The following PHF20 variants were observed in gnomAD, a reference collection of about 807,000 sequenced individuals.
The protein encoded by PHF20 is glioma-expressed antigen 2.
In PHF20, 23 loss-of-function variants were observed where a neutral mutation model predicts 113.5. The ratio of observed to expected loss-of-function variants is 0.20; its 90% CI spans 0.15 to 0.29. PHF20 has a LOEUF of 0.29. Ranked by LOEUF, PHF20 falls within the 10% of genes least tolerant of loss-of-function variation. The pLI is 1.00. For missense variants in PHF20, 943 were observed against 1,219.6 expected, an observed-to-expected ratio of 0.77 and a Z score of 3.38; for synonymous variants, 434 against 457.3, an observed-to-expected ratio of 0.95 and a Z score of 0.65.
rs147076340 is a variant in PHF20, at chr20:35,847,000, A to G, written c.256-350A>G. On this transcript the variant is annotated intron_variant, in intron 3 of 17. Transcript: ENST00000374012. The stretch of plus-strand genomic sequence containing the variant: ...ACAGAAGGAGACTTGCTTTGTAACA[A>G]CTTGCTTTCTTGGGAATGAATCCAT... 3.9e-5 allele frequency among the ~76,000 whole-genome samples: 6 copies of G among 152,236 alleles called. No homozygotes were observed. The East Asian group carries it at 7.7e-4, about 20-fold the overall frequency.
chr20:35,779,282 G>T (rs1223575636), intron 1 of PHF20, among the ~76,000 whole-genome samples: 2 of 151,892 alleles, frequency 1.3e-5, no homozygotes, highest in African/African-American at 4.8e-5. Flanking sequence ...TGATCCGCCT[G>T]CCAGGGCCTC....
intron 1 of PHF20, among the ~76,000 whole-genome samples, chr20:35,780,134 T>C (rs1305171787): frequency 1.3e-5 from 2 of 152,042 alleles, no homozygotes; most frequent in Non-Finnish European, 2.9e-5. Flanking sequence ...CCCCTAGAAA[T>C]TTGAGTAAGT....
intron 1 of PHF20, among the ~76,000 whole-genome samples, chr20:35,784,966 G>T (rs561068201): frequency 6.6e-6 from 1 of 151,962 alleles, no homozygotes; most frequent in African/African-American, 2.4e-5. Flanking sequence ...GGGGAGGATG[G>T]TTTGAGCCTG....
At chr20:35,900,979 TG>T (rs1428212311) in intron 10 of PHF20, among the ~76,000 whole-genome samples, 1 of 152,190 alleles carries the variant, frequency 6.6e-6, no homozygotes, top group Non-Finnish European at 1.5e-5. Flanking sequence ...TGGGTAGGAC[TG>T]GAAACTGGGC....
At chr20:35,869,168 T>C (rs1449847650) in intron 6 of PHF20, among the ~76,000 whole-genome samples, 1 of 152,202 alleles carries the variant, frequency 6.6e-6, no homozygotes, top group Non-Finnish European at 1.5e-5. Flanking sequence ...AGATAATTAA[T>C]GTAGCAAGTA....
intron 9 of PHF20, chr20:35,878,849 C>T (rs2054576861): frequency 2.1e-6 from 1 of 474,108 alleles, no homozygotes; most frequent in Non-Finnish European, 3.8e-6. Context: ...TAGATGGTAA[C>T]ACGGCATTTT....
intron 2 of PHF20, among the ~76,000 whole-genome samples, chr20:35,820,408 G>A (rs2042147348): frequency 6.7e-6 from 1 of 149,936 alleles, no homozygotes; most frequent in African/African-American, 2.5e-5. Flanking sequence ...TATAGATAAT[G>A]TTAGGTGGTG....
At chr20:35,802,543 C>G (rs898787858) in intron 2 of PHF20, among the ~76,000 whole-genome samples, 13 of 151,962 alleles carry the variant, frequency 8.6e-5, no homozygotes, top group African/African-American at 2.9e-4. Context: ...TTTTGAGATT[C>G]TTTCAAAATA....
intron 1 of PHF20, among the ~76,000 whole-genome samples, chr20:35,790,382 G>GCCTC (rs1313537211): frequency 6.6e-6 from 1 of 151,744 alleles, no homozygotes; most frequent in Non-Finnish European, 1.5e-5. Flanking sequence ...TGTGTTTTTA[G>GCCTC]TAGAGGCGGG....
At chr20:35,827,834 A>G (rs370592254) in intron 2 of PHF20, among the ~76,000 whole-genome samples, 2 of 151,000 alleles carry the variant, frequency 1.3e-5, no homozygotes, top group African/African-American at 4.9e-5. Flanking sequence ...TTAGAGTTAG[A>G]TGTAGATATC....
At chr20:35,820,445 CT>C (rs369532387) in intron 2 of PHF20, among the ~76,000 whole-genome samples, 246 of 129,642 alleles carry the variant, frequency 1.9e-3, no homozygotes, top group Middle Eastern at 0.012. Context: ...GGAATAAGTA[CT>C]TTTTTTTTTT....
intron 3 of PHF20, chr20:35,845,394 C>T (rs2042605621): frequency 2.5e-6 from 1 of 395,946 alleles, no homozygotes; most frequent in African/African-American, 2.1e-5. Flanking sequence ...GAGACGTTTT[C>T]TTGCTCTGTC....
At position 35,793,053 on chromosome 20, in the gene PHF20, G is replaced by C. The variant is rs543042577; in HGVS notation, c.-32-8438G>C. 2.2e-4 allele frequency among the ~76,000 whole-genome samples: 33 copies of C among 152,248 alleles called. No individual in the cohort carries two copies. In the South Asian group the frequency reaches 2.5e-3, roughly 11 times the overall value. ...ACTTTGGCAAAAGGTCCTCTTGGAG[G>C]CTTCTTCCTGGGAGACCCAGGTATC... On this transcript the variant is annotated intron_variant, in intron 1 of 17. Transcript: ENST00000374012.
intron 13 of PHF20, among the ~76,000 whole-genome samples, chr20:35,917,953 G>A (rs2055438718): frequency 6.6e-6 from 1 of 152,190 alleles, no homozygotes; most frequent in Non-Finnish European, 1.5e-5. Context: ...TGGTCACAAA[G>A]TGAGGAGTTG....
At chr20:35,806,652 A>C (rs77810070) in intron 2 of PHF20, among the ~76,000 whole-genome samples, 7,267 of 152,112 alleles carry the variant, frequency 0.048, 213 homozygotes, top group African/African-American at 0.088. Context: ...CTGTTCTCAG[A>C]TCTTTAGTCT....
chr20:35,869,320 CATTTAT>C, intron 6 of PHF20, 112 bp from the exon 7 acceptor site: 1 of 499,650 alleles, frequency 2.0e-6, no homozygotes. Context: ...TTTGATGGCC[CATTTAT>C]AATGCAGTGA....
chr20:35,925,510 C>T (rs906552071), intron 13 of PHF20, among the ~76,000 whole-genome samples: 5 of 152,096 alleles, frequency 3.3e-5, no homozygotes, highest in East Asian at 3.9e-4. Context: ...GTGATCCCCC[C>T]GCCTCGGCCT....
intron 2 of PHF20, among the ~76,000 whole-genome samples, chr20:35,811,173 A>T (rs2041970936): frequency 6.6e-6 from 1 of 151,854 alleles, no homozygotes; most frequent in Admixed American, 6.6e-5. Context: ...CAGCCTCCCG[A>T]GTAGCTGGGA....
At chr20:35,788,537 CTT>C (rs1293602056) in intron 1 of PHF20, among the ~76,000 whole-genome samples, 1 of 151,846 alleles carries the variant, frequency 6.6e-6, no homozygotes, top group Non-Finnish European at 1.5e-5. Flanking sequence ...CACCTGGCCT[CTT>C]TTCTGTTTTT....
Sources: allele counts gnomAD v4.1 joint callset (sites outside exome capture counted in the v4.1 genomes callset), GRCh38; gene constraint gnomAD v4.1.1; transcripts MANE v1.5; gene names NCBI Gene and HGNC (gene_info 2026-07-23, HGNC 2026-07-21).